HNRNPH1: variants seen among roughly 807,000 people sequenced by gnomAD.
The protein encoded by HNRNPH1 is heterogeneous nuclear ribonucleoprotein H1.
A neutral mutation model predicts 58.6 loss-of-function variants in HNRNPH1; 4 were observed. The observed-to-expected ratio is 0.07, with a 90% CI of 0.03 to 0.16. HNRNPH1 has a LOEUF of 0.16. Among genes scored for constraint, HNRNPH1 ranks in the 10% least tolerant of loss-of-function variants. HNRNPH1 has a pLI of 1.00. For synonymous variants in HNRNPH1, 192 were observed against 189.2 expected (o/e 1.01, Z -0.12); for missense variants, 271 against 564.2 (o/e 0.48, Z 5.26).
At chr5:179,619,149 G>A (rs2127648420) in intron 4 of HNRNPH1, 120 bp downstream of exon 5, 1 of 905,580 alleles carries the variant, frequency 1.1e-6, no homozygotes, top group East Asian at 2.7e-5. Context: ...TGGAAATCAT[G>A]GCAAAACATC....
intron 1 of HNRNPH1, among the ~76,000 whole-genome samples, chr5:179,622,225 T>C (rs1265213953): frequency 6.6e-6 from 1 of 152,224 alleles, no homozygotes; most frequent in Non-Finnish European, 1.5e-5. Context: ...CAAATCTTGA[T>C]TAGGAAAACT....
Position 179,615,610 on chromosome 5 carries a change from T to C in HNRNPH1, c.1301-15A>G, listed in dbSNP as rs1411043358. On this transcript the variant is annotated splice_polypyrimidine_tract_variant and intron_variant, in intron 11 of 12. Transcript: ENST00000356731. ...TAAAACTTGGTCTGCAAAAGGATTT[T>C]GTAGGGTAAGACTATAATACCAAAA... 1 of 1,495,244 alleles carries C rather than the reference T, an allele frequency of 6.7e-7. No homozygotes were observed. The highest frequency in any genetic ancestry group is 9.3e-7 in the Non-Finnish European group (1 of 1,075,612). 92.6% of individuals were successfully genotyped at this position (1,495,244 alleles called of 1,614,324 possible).
At chr5:179,627,953 G>A (rs905474679), upstream of HNRNPH1, among the ~76,000 whole-genome samples, 1 of 144,484 alleles carries the variant, frequency 6.9e-6, no homozygotes, top group African/African-American at 2.6e-5. Context: ...ATACCAAATA[G>A]CTGTGATTAC....
chr5:179,628,759 G>A (rs576286219), upstream of HNRNPH1, among the ~76,000 whole-genome samples: 168 of 152,280 alleles, frequency 1.1e-3, no homozygotes, highest in African/African-American at 3.8e-3. Context: ...GGCCAACACG[G>A]TGAAACCCCG....
chr5:179,617,961 C>CA, intron 6 of HNRNPH1, 28 bp downstream of exon 7: 1 of 1,613,944 alleles, frequency 6.2e-7, no homozygotes, highest in South Asian at 1.1e-5. Context: ...AAGCATCCTT[C>CA]AACTGAGAAA....
chr5:179,617,310 T>A (rs1408905418), intron 8 of HNRNPH1, 200 bp from the exon 10 acceptor site: 7 of 736,454 alleles, frequency 9.5e-6, no homozygotes, highest in Non-Finnish European at 1.5e-5. Context: ...ATTAAGGATA[T>A]ACACTTCAAG....
chr5:179,622,923 A>G (rs538152303), intron 1 of HNRNPH1, 114 bp downstream of exon 2: 1 of 131,750 alleles, frequency 7.6e-6, no homozygotes, highest in Non-Finnish European at 1.6e-5. Context: ...CCCGGGTCCC[A>G]CCCGGCCCGG....
At chr5:179,620,706 G>A in intron 3 of HNRNPH1, 186 bp downstream of exon 4, 2 of 579,524 alleles carry the variant, frequency 3.5e-6, no homozygotes, top group Non-Finnish European at 3.1e-6. Context: ...TAACATTTTG[G>A]AAGTACTTCA....
exon 1 of HNRNPH1, chr5:179,623,223 G>T: frequency 1.1e-6 from 1 of 883,608 alleles, no homozygotes; most frequent in Non-Finnish European, 1.7e-6. Context: ...TCGCCTCCGA[G>T]GCGCGCCCGG....
chr5:179,623,392 G>GA, exon 1 of HNRNPH1: 2 of 281,728 alleles, frequency 7.1e-6, no homozygotes. Flanking sequence ...CAGCGTAGAG[G>GA]AAAGGAAATG....
chr5:179,620,598 C>T (rs1771879124), intron 3 of HNRNPH1: 1 of 303,662 alleles, frequency 3.3e-6, no homozygotes, highest in Non-Finnish European at 6.2e-6. Flanking sequence ...ACTTGAGGTA[C>T]TTAGCTGGAC....
rs772372003 is a variant in HNRNPH1, at chr5:179,623,177, G to A, written c.-44C>T. 9.0e-6 allele frequency: 13 copies of A among 1,451,448 alleles called. No homozygotes were observed. Among genetic ancestry groups the A allele is most frequent in the African/African-American group, 2.8e-5 (2 of 71,084 alleles). 89.9% of individuals were successfully genotyped at this position (1,451,448 alleles called of 1,614,324 possible). ...GCGTCGAAACAAACTGCAAAGCGGGGAGGACCAGAACTGAGAGCGCCAATT... is the reference window on the plus strand; with the variant it reads ...GCGTCGAAACAAACTGCAAAGCGGGAAGGACCAGAACTGAGAGCGCCAATT... On this transcript the variant is annotated 5_prime_UTR_variant, in exon 1 of 13. Transcript: ENST00000356731.
intron 2 of HNRNPH1, among the ~76,000 whole-genome samples, chr5:179,631,783 T>G (rs905842775): frequency 2.6e-5 from 4 of 151,926 alleles, no homozygotes; most frequent in African/African-American, 9.7e-5. Context: ...CCAGGCCTGG[T>G]GGCACATGCC....
intron 12 of HNRNPH1, chr5:179,615,162 ACT>A: frequency 1.8e-5 from 9 of 505,730 alleles, no homozygotes; most frequent in Non-Finnish European, 3.2e-5. Context: ...AACTTGCCAG[ACT>A]CTTGTGCTAC....
intron 2 of HNRNPH1, among the ~76,000 whole-genome samples, chr5:179,633,223 AT>A (rs1774991315): frequency 6.6e-6 from 1 of 151,494 alleles, no homozygotes; most frequent in African/African-American, 2.4e-5. Context: ...AACTCCAGAG[AT>A]CAGGTAATCC....
At chr5:179,615,334 T>A (rs1769002589) in intron 12 of HNRNPH1, 1 of 481,756 alleles carries the variant, frequency 2.1e-6, no homozygotes, top group Admixed American at 3.7e-5. Flanking sequence ...TCGAATGGCA[T>A]TTGAGAAAAG....
At chr5:179,632,677 C>T (rs977672287) in intron 2 of HNRNPH1, among the ~76,000 whole-genome samples, 1 of 151,984 alleles carries the variant, frequency 6.6e-6, no homozygotes, top group African/African-American at 2.4e-5. Context: ...CGCAGGCGGC[C>T]GGTTTTGAAC....
chr5:179,631,316 G>GA (rs1774812399), intron 2 of HNRNPH1, among the ~76,000 whole-genome samples: 1 of 152,072 alleles, frequency 6.6e-6, no homozygotes, highest in Non-Finnish European at 1.5e-5. Flanking sequence ...AAAAAGTTGA[G>GA]AAAAAATGAT....
intron 2 of HNRNPH1, among the ~76,000 whole-genome samples, chr5:179,630,530 A>T (rs1177574283): frequency 6.6e-5 from 10 of 152,212 alleles, no homozygotes; most frequent in Admixed American, 2.0e-4. Flanking sequence ...AGAGAGCTGG[A>T]AAGGATGCAG....
Sources: allele counts gnomAD v4.1 joint callset (sites outside exome capture counted in the v4.1 genomes callset), GRCh38; gene constraint gnomAD v4.1.1; transcripts MANE v1.5; gene names NCBI Gene and HGNC (gene_info 2026-07-23, HGNC 2026-07-21).